LDLRAD4: variants seen among roughly 807,000 people sequenced by gnomAD.
The protein encoded by LDLRAD4 is low-density lipoprotein receptor class A domain-containing protein 4.
LDLRAD4 carries 5 observed loss-of-function variants against 17.0 expected under a neutral mutation model. The observed-to-expected ratio is 0.29, with a 90% CI of 0.15 to 0.62. The LOEUF (loss-of-function observed/expected upper bound fraction) is 0.62. Among genes scored for constraint, LDLRAD4 ranks in the 20% least tolerant of loss-of-function variants. LDLRAD4 has a pLI of 0.84. For synonymous variants in LDLRAD4, 168 were observed against 171.8 expected, an observed-to-expected ratio of 0.98 and a Z score of 0.17; for missense variants, 340 against 424.7, an observed-to-expected ratio of 0.80 and a Z score of 1.75.
chr18:13,344,623 T>G (rs2082573732), intron 1 of LDLRAD4, among the ~76,000 whole-genome samples: 1 of 152,212 alleles, frequency 6.6e-6, no homozygotes, highest in Non-Finnish European at 1.5e-5. Flanking sequence ...GTGAAGAAAG[T>G]CATTGGTAGC....
intron 1 of LDLRAD4, among the ~76,000 whole-genome samples, chr18:13,377,318 A>G (rs528766202): frequency 2.0e-5 from 3 of 152,312 alleles, no homozygotes; most frequent in Admixed American, 2.0e-4. Context: ...TGAACTGACT[A>G]GGCTGCGTCA....
rs2042013192 is a variant in LDLRAD4 at position 13,635,663 on chromosome 18, C to A, written c.337-7696C>A. ...AAGGAAGAAAATGTGAAACAGATTG[C>A]TCAAGTGTAAAGGAGTCTGAAAATG... On this transcript the variant is annotated intron_variant, in intron 4 of 5. Transcript: ENST00000359446. Among the ~76,000 whole-genome samples, 2 of 152,196 alleles carry A rather than the reference C, an allele frequency of 1.3e-5. 1 individual carries two copies. Among genetic ancestry groups the A allele is most frequent in the South Asian group, 4.1e-4 (2 of 4,828 alleles).
intron 3 of LDLRAD4, among the ~76,000 whole-genome samples, chr18:13,603,888 G>C (rs1258484339): frequency 6.6e-6 from 1 of 152,224 alleles, no homozygotes; most frequent in Non-Finnish European, 1.5e-5. Context: ...CATCGTGGTG[G>C]CCGGCACATA....
intron 2 of LDLRAD4, among the ~76,000 whole-genome samples, chr18:13,435,439 G>T (rs1051579853): frequency 1.3e-5 from 2 of 152,008 alleles, no homozygotes; most frequent in Admixed American, 1.3e-4. Flanking sequence ...TTATAAATTT[G>T]ATTTTTTTTA....
upstream of LDLRAD4, among the ~76,000 whole-genome samples, chr18:13,274,525 A>C (rs1351493946): frequency 6.6e-6 from 1 of 152,186 alleles, no homozygotes; most frequent in Non-Finnish European, 1.5e-5. Context: ...GGGTGTGAGA[A>C]TCCTGCTGCC....
At chr18:13,329,352 A>T (rs1427711463) in intron 1 of LDLRAD4, among the ~76,000 whole-genome samples, 1 of 152,232 alleles carries the variant, frequency 6.6e-6, no homozygotes, top group Non-Finnish European at 1.5e-5. Context: ...CTGTCAGCCT[A>T]CTAGGAAAAA....
At chr18:13,480,004 G>A (rs1436032738) in intron 3 of LDLRAD4, among the ~76,000 whole-genome samples, 4 of 152,146 alleles carry the variant, frequency 2.6e-5, no homozygotes, top group Admixed American at 6.5e-5. Context: ...ACAGTTTGAC[G>A]GTGTCTTTCA....
At chr18:13,500,838 T>C (rs2093602739) in intron 3 of LDLRAD4, 1 of 151,882 alleles carries the variant, frequency 6.6e-6, no homozygotes, top group South Asian at 2.1e-4. Context: ...ATAAAACACA[T>C]CATCAAAAAT....
intron 2 of LDLRAD4, among the ~76,000 whole-genome samples, chr18:13,401,723 G>A (rs776135662): frequency 1.3e-5 from 2 of 152,208 alleles, no homozygotes; most frequent in African/African-American, 4.8e-5. Context: ...GGTCAGACAC[G>A]TGGAGAATGG....
intron 1 of LDLRAD4, among the ~76,000 whole-genome samples, chr18:13,381,527 G>A (rs1386461662): frequency 1.3e-5 from 2 of 152,238 alleles, no homozygotes; most frequent in Non-Finnish European, 2.9e-5. Context: ...CAGAAGCAGA[G>A]TGGGTCCCCT....
At chr18:13,301,939 G>A (rs1599246119) in intron 1 of LDLRAD4, among the ~76,000 whole-genome samples, 1 of 152,108 alleles carries the variant, frequency 6.6e-6, no homozygotes, top group African/African-American at 2.4e-5. Context: ...TCTCCTGACC[G>A]CCTACCAAGT....
intron 1 of LDLRAD4, among the ~76,000 whole-genome samples, chr18:13,342,938 T>G (rs1267646801): frequency 6.6e-6 from 1 of 152,130 alleles, no homozygotes; most frequent in African/African-American, 2.4e-5. Flanking sequence ...ATATCATCCA[T>G]TACTTTCTCA....
intron 1 of LDLRAD4, chr18:13,279,809 C>A (rs2075789741): frequency 6.6e-6 from 1 of 152,254 alleles, no homozygotes; most frequent in African/African-American, 2.4e-5. Context: ...GCTTCATCGT[C>A]ATGGGCAATT....
At chr18:13,252,782 G>A (rs752808278) in intron 1 of LDLRAD4, among the ~76,000 whole-genome samples, 18 of 152,218 alleles carry the variant, frequency 1.2e-4, no homozygotes, top group African/African-American at 2.4e-4. Flanking sequence ...CTCACTTGCC[G>A]TCGGCCCTCC....
intron 4 of LDLRAD4, among the ~76,000 whole-genome samples, chr18:13,623,595 G>T (rs750055683): frequency 2.0e-5 from 3 of 152,218 alleles, no homozygotes; most frequent in Non-Finnish European, 4.4e-5. Flanking sequence ...ATTCCAGCAC[G>T]ATGACCAGAG....
intron 3 of LDLRAD4, among the ~76,000 whole-genome samples, chr18:13,590,086 T>C (rs1475117002): frequency 6.7e-6 from 1 of 149,818 alleles, no homozygotes; most frequent in Admixed American, 6.6e-5. Context: ...TGTGCATGTG[T>C]GGGTGTGAGT....
chr18:13,284,084 G>C (rs1480607866), intron 1 of LDLRAD4, among the ~76,000 whole-genome samples: 1 of 152,210 alleles, frequency 6.6e-6, no homozygotes. Context: ...TTCAAGTTGA[G>C]ATTTGGGTGG....
intron 3 of LDLRAD4, among the ~76,000 whole-genome samples, chr18:13,545,612 C>T (rs1373907524): frequency 6.6e-6 from 1 of 152,174 alleles, no homozygotes; most frequent in Non-Finnish European, 1.5e-5. Context: ...CACACACCTT[C>T]TTCTAGCAGC....
In LDLRAD4 at chr18:13,322,423, C is replaced by G. The variant is rs369189766; in HGVS notation, c.-383+44235C>G. 2.9e-4 allele frequency among the ~76,000 whole-genome samples: 44 copies of G among 151,514 alleles called. No homozygotes were observed. The East Asian group carries it at 8.0e-3, about 27-fold the overall frequency. The stretch of plus-strand genomic sequence containing the variant: ...CAAGTGATTCTCCCAACTCAGCCTC[C>G]CCAGTAGATGAGACTACAGGAGTGT... On this transcript the variant is annotated intron_variant, in intron 1 of 5. Transcript: ENST00000359446.
Sources: allele counts gnomAD v4.1 joint callset (sites outside exome capture counted in the v4.1 genomes callset), GRCh38; gene constraint gnomAD v4.1.1; transcripts MANE v1.5; gene names NCBI Gene and HGNC (gene_info 2026-07-23, HGNC 2026-07-21).